CHD6: variants seen among roughly 807,000 people sequenced by gnomAD.
The protein encoded by CHD6 is chromodomain helicase DNA binding protein 6, also known as ATP-dependent chromatin remodeler CHD6.
A neutral mutation model predicts 276.9 loss-of-function variants in CHD6; 50 were observed. The ratio of observed to expected loss-of-function variants is 0.18; its 90% confidence interval spans 0.14 to 0.23. CHD6 has a LOEUF of 0.23. Ranked by LOEUF, CHD6 falls within the 10% of genes least tolerant of loss-of-function variation. The pLI is 1.00. For synonymous variants in CHD6, 1,173 were observed against 1,229.3 expected, an observed-to-expected ratio of 0.95 and a Z score of 0.96; for missense variants, 2,564 against 3,365.8, an observed-to-expected ratio of 0.76 and a Z score of 5.89.
rs903465152 is a variant in CHD6, at chr20:41,402,162, G to T, written c.*2431C>A. On this transcript the variant is annotated 3_prime_UTR_variant, in exon 37 of 37. Transcript: ENST00000373233. Reference sequence around the variant, plus strand: ...TTATGTAAGACATGGGGTGAAGAATGGTCAAGGAAAGTTATGGCCGTGAGT... The same window carrying T: ...TTATGTAAGACATGGGGTGAAGAATTGTCAAGGAAAGTTATGGCCGTGAGT... The T allele has an allele frequency of 9.6e-6, 2 of 207,654 alleles. No individual in the cohort carries two copies. Among genetic ancestry groups the T allele is most frequent in the African/African-American group, 4.6e-5 (2 of 43,868 alleles). The allele number at this position is 207,654 out of a possible 1,614,324, so 12.9% of individuals were successfully genotyped here.
At chr20:41,549,704 G>C (rs1205839036) in intron 2 of CHD6, among the ~76,000 whole-genome samples, 2 of 151,506 alleles carry the variant, frequency 1.3e-5, no homozygotes, top group East Asian at 3.9e-4. Flanking sequence ...TTATCTTAAA[G>C]GATGCTTAAA....
chr20:41,463,278 A>G (rs2042844377), intron 17 of CHD6, among the ~76,000 whole-genome samples: 1 of 152,236 alleles, frequency 6.6e-6, no homozygotes, highest in African/African-American at 2.4e-5. Flanking sequence ...CAGTTAGAAA[A>G]TCATCACTTT....
Position 41,405,196 on chromosome 20 carries a change from C to T in CHD6, c.7545G>A (p.Leu2515=), listed in dbSNP as rs776123776. ...MPTGEEVKST[L]SMLPMMLPGM... ...CTGGCAGCATCATGGGCAGCATGCT[C>T]AGGGTACTTTTGACCTCTTCACCTG... Residue 2515 remains leucine, a synonymous_variant, in exon 37 of 37, where the codon CTG becomes CTA. Coordinates refer to ENST00000373233, the MANE Select transcript of CHD6 (RefSeq NM_032221.5). 7.1e-5 allele frequency: 114 copies of T among 1,614,094 alleles called. No individual in the cohort carries two copies. Among genetic ancestry groups the T allele is most frequent in the Admixed American group, 2.0e-4 (12 of 60,012 alleles).
chr20:41,408,643 A>C (rs1484575256), intron 36 of CHD6, among the ~76,000 whole-genome samples: 1 of 152,104 alleles, frequency 6.6e-6, no homozygotes, highest in Non-Finnish European at 1.5e-5. Context: ...TATCTTTCTG[A>C]GCCCTCTTCC....
At chr20:41,513,479 T>C (rs978649476) in intron 4 of CHD6, among the ~76,000 whole-genome samples, 6 of 152,214 alleles carry the variant, frequency 3.9e-5, no homozygotes, top group Admixed American at 1.3e-4. Context: ...AACTAATTAG[T>C]ATCAATTTTT....
chr20:41,530,095 G>C lies in CHD6; in HGVS notation c.554+2955C>G, dbSNP rs564969476. Among the ~76,000 whole-genome samples the C allele has an allele frequency of 2.0e-4, 30 of 152,292 alleles. 1 individual carries two copies. Among genetic ancestry groups the C allele is most frequent in the African/African-American group, 7.2e-4 (30 of 41,560 alleles). ...TCTGCTTCCGAGTGCCTGCAGTGCTGGCAGATAAACTCAAGTGAGAGAGTA... is the reference window on the plus strand; with the variant it reads ...TCTGCTTCCGAGTGCCTGCAGTGCTCGCAGATAAACTCAAGTGAGAGAGTA... On this transcript the variant is annotated intron_variant, in intron 3 of 36. Transcript: ENST00000373233.
intron 31 of CHD6, among the ~76,000 whole-genome samples, chr20:41,418,364 G>A (rs528191842): frequency 2.6e-5 from 4 of 152,282 alleles, no homozygotes; most frequent in East Asian, 1.9e-4. Context: ...AGAGTCTCTC[G>A]GAGGAGGGAG....
intron 1 of CHD6, among the ~76,000 whole-genome samples, chr20:41,579,903 A>G (rs974774774): frequency 6.6e-6 from 1 of 152,236 alleles, no homozygotes; most frequent in Non-Finnish European, 1.5e-5. Context: ...TCTTTAGTAC[A>G]ATAAAAGAAA....
rs1418826084 is a variant in CHD6, at chr20:41,473,569, G to T, written c.2469-52C>A. On this transcript the variant is annotated intron_variant, in intron 16 of 36. Transcript: ENST00000373233. This position sits in a 1 kb window ranked among gnomAD's most constrained non-coding sequence, Gnocchi z 4.1. Reference sequence around the variant, plus strand: ...CCAGGCGTTAATCATGACTTCAATGGAGAACAGCACAAAATGCAGGAAGCT... The same window carrying T: ...CCAGGCGTTAATCATGACTTCAATGTAGAACAGCACAAAATGCAGGAAGCT... 2 of 1,464,068 alleles carry T rather than the reference G, an allele frequency of 1.4e-6. No homozygotes were observed. The highest frequency in any genetic ancestry group is 1.9e-6 in the Non-Finnish European group (2 of 1,049,130). The allele number at this position is 1,464,068 out of a possible 1,614,324, so 90.7% of individuals were successfully genotyped here.
chr20:41,563,902 G>C lies in CHD6; in HGVS notation c.-23-12542C>G, dbSNP rs1013721837. ...TCATAATCTTATGGGGGAAGACAAA[G>C]GGTTTTACAAACAACACTCTATATA... On this transcript the variant is annotated intron_variant, in intron 1 of 36. Transcript: ENST00000373233. 57 of 601,020 alleles carry C rather than the reference G, an allele frequency of 9.5e-5. No individual in the cohort carries two copies. In the African/African-American group the frequency reaches 1.0e-3, roughly 11 times the overall value. 37.2% of individuals were successfully genotyped at this position (601,020 alleles called of 1,614,324 possible). A position where few individuals can be genotyped will look rare whatever the true frequency, so the allele number is the denominator to read the frequency against.
At chr20:41,601,269 G>A (rs1292688213) in intron 1 of CHD6, among the ~76,000 whole-genome samples, 2 of 152,096 alleles carry the variant, frequency 1.3e-5, no homozygotes, top group African/African-American at 4.8e-5. Flanking sequence ...ATTCTAGCAC[G>A]AAGTACATGG....
intron 5 of CHD6, among the ~76,000 whole-genome samples, chr20:41,499,974 C>T (rs954151593): frequency 1.5e-4 from 23 of 152,228 alleles, no homozygotes; most frequent in African/African-American, 5.3e-4. Flanking sequence ...ACGTAAATCC[C>T]AACTGAAAAC....
intron 15 of CHD6, among the ~76,000 whole-genome samples, chr20:41,483,912 T>A (rs2043352927): frequency 6.6e-6 from 1 of 152,112 alleles, no homozygotes; most frequent in Admixed American, 6.5e-5. Flanking sequence ...TAAAAAAAAA[T>A]CCTCCCAACA....
chr20:41,606,249 C>T (rs915021424), intron 1 of CHD6, among the ~76,000 whole-genome samples: 3 of 151,830 alleles, frequency 2.0e-5, no homozygotes, highest in Non-Finnish European at 4.4e-5. Context: ...TGGTAGCTCA[C>T]GTCTGTAATC....
intron 1 of CHD6, among the ~76,000 whole-genome samples, chr20:41,598,798 C>T (rs1390987957): frequency 6.6e-6 from 1 of 152,168 alleles, no homozygotes; most frequent in Non-Finnish European, 1.5e-5. Context: ...CCTTGTTCAT[C>T]CCCAAGCAGA....
chr20:41,564,209 T>C, intron 1 of CHD6: 1 of 617,722 alleles, frequency 1.6e-6, no homozygotes, highest in South Asian at 2.0e-5. Flanking sequence ...ACAAAATAGC[T>C]TAAACATGTT....
Position 41,452,707 on chromosome 20 carries a change from A to G in CHD6, c.3323+33T>C, listed in dbSNP as rs756259632. On this transcript the variant is annotated intron_variant, in intron 21 of 36. Transcript: ENST00000373233. The surrounding 1 kb of genome is among the most constrained non-coding windows in gnomAD (Gnocchi z 4.2). ...GAAAAACAGAGGGGAACAAACAACA[A>G]TAACAACAAAACTAAGCAGAGCCAA... 5 of 1,586,816 alleles carry G rather than the reference A, an allele frequency of 3.2e-6. No homozygotes were observed. Among genetic ancestry groups the G allele is most frequent in the African/African-American group, 1.4e-5 (1 of 73,942 alleles).
At chr20:41,566,491 T>TC (rs1219804705) in intron 1 of CHD6, among the ~76,000 whole-genome samples, 2 of 152,154 alleles carry the variant, frequency 1.3e-5, no homozygotes, top group African/African-American at 2.4e-5. Flanking sequence ...CAATGGTCTA[T>TC]CCCCAAGTTC....
At chr20:41,410,175 T>C (rs935060082) in intron 36 of CHD6, among the ~76,000 whole-genome samples, 5 of 152,188 alleles carry the variant, frequency 3.3e-5, no homozygotes, top group Admixed American at 1.3e-4. Context: ...CAAATTACTA[T>C]GCTGATATCC....
Sources: allele counts gnomAD v4.1 joint callset (sites outside exome capture counted in the v4.1 genomes callset), GRCh38; gene constraint gnomAD v4.1.1; non-coding constraint Gnocchi (gnomAD v3.1); transcripts MANE v1.5; gene names NCBI Gene and HGNC (gene_info 2026-07-23, HGNC 2026-07-21).